TENM2: variants seen among roughly 807,000 people sequenced by gnomAD.
TENM2 encodes the protein teneurin-2.
TENM2 carries 52 observed loss-of-function variants against 245.2 expected under a neutral mutation model. That is an observed-to-expected ratio of 0.21 (90% CI 0.17 to 0.27). TENM2 has a LOEUF of 0.27. Ranked by LOEUF, TENM2 falls within the 10% of genes least tolerant of loss-of-function variation. The pLI is 1.00. For synonymous variants in TENM2, 1,363 were observed against 1,438.9 expected, an observed-to-expected ratio of 0.95 and a Z score of 1.19; for missense variants, 3,046 against 3,666.8, an observed-to-expected ratio of 0.83 and a Z score of 4.37.
At chr5:167,276,352 T>TGTG in the TENM2 span, among the ~76,000 whole-genome samples, 3,143 of 34,082 alleles carry the variant, frequency 0.092, 83 homozygotes, top group African/African-American at 0.17. Flanking sequence ...CCTGTTCATT[T>TGTG]TGTGTGTGTG....
intron 2 of TENM2, among the ~76,000 whole-genome samples, chr5:167,465,242 T>C (rs994704020): frequency 1.3e-5 from 2 of 152,368 alleles, no homozygotes; most frequent in Non-Finnish European, 2.9e-5. Flanking sequence ...CATTCTAATA[T>C]GGCTTTTTTC....
At chr5:167,786,181 C>T (rs1261349699) in intron 2 of TENM2, among the ~76,000 whole-genome samples, 2 of 152,100 alleles carry the variant, frequency 1.3e-5, no homozygotes, top group East Asian at 3.9e-4. Flanking sequence ...GCCTCTAATG[C>T]CTCAGGTACC....
At chr5:167,118,861 T>C in the TENM2 span, among the ~76,000 whole-genome samples, 1 of 152,192 alleles carries the variant, frequency 6.6e-6, no homozygotes, top group Non-Finnish European at 1.5e-5. Context: ...CTGTTTATTC[T>C]TAAGAAGGAC....
intron 5 of TENM2, among the ~76,000 whole-genome samples, chr5:168,029,185 A>T (rs1365141058): frequency 3.3e-5 from 5 of 152,126 alleles, no homozygotes; most frequent in Admixed American, 3.3e-4. Flanking sequence ...AGGGACACCA[A>T]CCCCACTCAT....
chr5:168,153,685 C>T (rs1756854999), intron 12 of TENM2, among the ~76,000 whole-genome samples: 1 of 152,188 alleles, frequency 6.6e-6, no homozygotes, highest in Non-Finnish European at 1.5e-5. Context: ...AAAGCAGAGG[C>T]TTTCACATTG....
chr5:168,169,942 A>T (rs1350241259), intron 13 of TENM2, among the ~76,000 whole-genome samples: 1 of 152,244 alleles, frequency 6.6e-6, no homozygotes, highest in Non-Finnish European at 1.5e-5. Context: ...AGAGAAAAGC[A>T]ATGTCTCTAA....
At chr5:167,433,672 A>G (rs1353173609) in intron 2 of TENM2, among the ~76,000 whole-genome samples, 2 of 152,104 alleles carry the variant, frequency 1.3e-5, no homozygotes, top group Admixed American at 1.3e-4. Context: ...CCTATCAAGT[A>G]TATAGTCTTT....
chr5:167,180,563 A>G, the TENM2 span, among the ~76,000 whole-genome samples: 1 of 152,146 alleles, frequency 6.6e-6, no homozygotes, highest in Non-Finnish European at 1.5e-5. Flanking sequence ...TTCACCTTGC[A>G]GTTGAGAATC....
At position 168,125,146 on chromosome 5, in the gene TENM2, C is replaced by G. The variant is rs1397110592; in HGVS notation, c.2209+96C>G. 2.8e-6 allele frequency: 3 copies of G among 1,079,830 alleles called. No individual in the cohort carries two copies. In the Admixed American group the frequency reaches 6.5e-5, roughly 23 times the overall value. 66.9% of individuals were successfully genotyped at this position (1,079,830 alleles called of 1,614,324 possible). A position where few individuals can be genotyped will look rare whatever the true frequency, so the allele number is the denominator to read the frequency against. On this transcript the variant is annotated intron_variant, in intron 11 of 28. Coordinates refer to ENST00000518659, the Ensembl canonical transcript of TENM2. Reference sequence around the variant, plus strand: ...ATGGGAATCTACTCTTAATACTTAGCTGGGGATAAGGGGACTTTGATGAAT... The same window carrying G: ...ATGGGAATCTACTCTTAATACTTAGGTGGGGATAAGGGGACTTTGATGAAT...
At chr5:167,828,869 G>C (rs201772673) in intron 2 of TENM2, among the ~76,000 whole-genome samples, 7 of 152,298 alleles carry the variant, frequency 4.6e-5, no homozygotes, top group East Asian at 3.9e-4. Flanking sequence ...ATAAGAAATA[G>C]GAGAACATGA....
At chr5:168,093,559 C>T (rs779966239) in intron 8 of TENM2, among the ~76,000 whole-genome samples, 5 of 152,140 alleles carry the variant, frequency 3.3e-5, no homozygotes, top group Admixed American at 6.6e-5. Context: ...TGCCTACCAG[C>T]GATCACACTA....
intron 2 of TENM2, among the ~76,000 whole-genome samples, chr5:167,418,430 A>G (rs1236082801): frequency 6.6e-6 from 1 of 152,170 alleles, no homozygotes; most frequent in East Asian, 1.9e-4. Context: ...CAACTTACTA[A>G]TTGTTCCTCT....
chr5:167,103,461 A>C, the TENM2 span, among the ~76,000 whole-genome samples: 1 of 152,206 alleles, frequency 6.6e-6, no homozygotes, highest in African/African-American at 2.4e-5. Flanking sequence ...TAGTTTTCAA[A>C]TATTGATCAC....
At chr5:168,006,002 C>T (rs1203436349) in intron 5 of TENM2, among the ~76,000 whole-genome samples, 2 of 152,150 alleles carry the variant, frequency 1.3e-5, no homozygotes, top group South Asian at 2.1e-4. Flanking sequence ...TAGTTTCCAT[C>T]GGCTTCTACA....
In TENM2 at chr5:167,726,077, G is replaced by A. The variant is rs1025120156; in HGVS notation, c.503-149909G>A. Among the ~76,000 whole-genome samples the A allele has an allele frequency of 8.3e-4, 126 of 152,310 alleles. 2 individuals carry two copies. Among genetic ancestry groups the A allele is most frequent in the African/African-American group, 2.9e-3 (119 of 41,582 alleles). On this transcript the variant is annotated intron_variant, in intron 2 of 28. Transcript: ENST00000518659. ...ATCCCACTAGATTGTCAGATGGTAG[G>A]GGCAGGCATCATGACTATGGGGTTC...
chr5:167,977,949 C>G (rs1782562712), intron 4 of TENM2, among the ~76,000 whole-genome samples: 1 of 152,076 alleles, frequency 6.6e-6, no homozygotes, highest in Non-Finnish European at 1.5e-5. Context: ...CAACTTGGTG[C>G]CTTCCTCCCG....
At chr5:167,598,774 A>G (rs143626896) in intron 2 of TENM2, among the ~76,000 whole-genome samples, 81 of 152,140 alleles carry the variant, frequency 5.3e-4, no homozygotes, top group African/African-American at 1.7e-3. Context: ...GTCGGAGGCA[A>G]TGAGTAATAA....
chr5:167,158,909 T>TTCCTTC, the TENM2 span, among the ~76,000 whole-genome samples: 10 of 117,322 alleles, frequency 8.5e-5, no homozygotes, highest in Admixed American at 1.8e-4. Context: ...CCTTCCTTCC[T>TTCCTTC]CTTCCTCTCT....
At chr5:167,738,067 G>A (rs1760923492) in intron 2 of TENM2, among the ~76,000 whole-genome samples, 2 of 152,176 alleles carry the variant, frequency 1.3e-5, no homozygotes, top group South Asian at 4.1e-4. Flanking sequence ...GCTGATACTT[G>A]TTTTATTTTG....
Sources: allele counts gnomAD v4.1 joint callset (sites outside exome capture counted in the v4.1 genomes callset), GRCh38; gene constraint gnomAD v4.1.1; transcripts MANE v1.5; gene names NCBI Gene and HGNC (gene_info 2026-07-23, HGNC 2026-07-21).